The following CISD2 variants were observed in gnomAD, a reference collection of about 807,000 sequenced individuals.
CISD2 encodes the protein CDGSH iron sulfur domain 2.
In CISD2, 1 loss-of-function variant was observed where a neutral mutation model predicts 12.9. The observed-to-expected ratio is 0.08, with a 90% CI of 0.03 to 0.37. The LOEUF (loss-of-function observed/expected upper bound fraction) is 0.37. Among genes scored for constraint, CISD2 ranks in the 10% least tolerant of loss-of-function variants. The pLI is 0.99. For missense variants in CISD2, 97 were observed against 163.1 expected (o/e 0.59, Z 2.21); for synonymous variants, 50 against 60.6 (o/e 0.83, Z 0.81).
intron 1 of CISD2, among the ~76,000 whole-genome samples, chr4:102,872,408 T>A (rs223331): frequency 0.37 from 56,663 of 152,038 alleles, 10,693 homozygotes; most frequent in African/African-American, 0.44. Context: ...AACTCATGCA[T>A]TGAAAATATT....
rs1734253843 is a variant in CISD2 at position 102,891,630 on chromosome 4, T to C, written c.*4200T>C. The C allele has an allele frequency of 1.3e-5, 2 of 152,232 alleles. No homozygotes were observed. The highest frequency in any genetic ancestry group is 1.5e-5 in the Non-Finnish European group (1 of 68,042). The allele number at this position is 152,232 out of a possible 1,614,324, so 9.4% of individuals were successfully genotyped here. On this transcript the variant is annotated 3_prime_UTR_variant, in exon 3 of 3. Coordinates refer to ENST00000273986, the MANE Select transcript of CISD2 (RefSeq NM_001008388.5). ...TGTTGGAAAATTTATATGTAAAATA[T>C]ATTGACTTACTCGATGATTGGAGGC...
At chr4:102,877,919 C>G (rs1265443958) in intron 1 of CISD2, among the ~76,000 whole-genome samples, 1 of 152,190 alleles carries the variant, frequency 6.6e-6, no homozygotes, top group African/African-American at 2.4e-5. Flanking sequence ...CAATACTGCA[C>G]AAAGCAGCAA....
At chr4:102,874,697 T>G (rs1337852874) in intron 1 of CISD2, 1 of 152,216 alleles carries the variant, frequency 6.6e-6, no homozygotes, top group South Asian at 2.1e-4. Flanking sequence ...TCTGTTGTTT[T>G]AAGCTAAAAA....
intron 1 of CISD2, among the ~76,000 whole-genome samples, chr4:102,884,344 T>C (rs1415809297): frequency 6.6e-6 from 1 of 152,258 alleles, no homozygotes; most frequent in African/African-American, 2.4e-5. Flanking sequence ...AGCATATTAT[T>C]TTCTGTTTTT....
At chr4:102,869,497 C>G (rs1051760931) in intron 1 of CISD2, 5 of 702,470 alleles carry the variant, frequency 7.1e-6, no homozygotes, top group Admixed American at 2.0e-5. Flanking sequence ...ATCTCCTGTC[C>G]TGCTCATCGC....
At chr4:102,869,622 G>T in intron 1 of CISD2, 1 of 653,922 alleles carries the variant, frequency 1.5e-6, no homozygotes, top group African/African-American at 1.8e-5. Flanking sequence ...GTGGGTGGGA[G>T]TGTGTGGGAG....
In CISD2 at chr4:102,869,052, G is replaced by A. The variant is rs1057132229; in HGVS notation, c.-33G>A. 6.3e-7 allele frequency: 1 copy of A among 1,588,782 alleles called. No homozygotes were observed. Among genetic ancestry groups the A allele is most frequent in the East Asian group, 2.3e-5 (1 of 43,508 alleles). ...GCGGCAGCTTGGCCAGAGCGGAGGG[G>A]GCTCGGGAGAGGAGTGGACGCCGCT... On this transcript the variant is annotated 5_prime_UTR_variant, in exon 1 of 3. Transcript: ENST00000273986.
Position 102,877,101 on chromosome 4 carries a change from C to T in CISD2, c.103+7914C>T, listed in dbSNP as rs544418892. 3.3e-5 allele frequency among the ~76,000 whole-genome samples: 5 copies of T among 152,276 alleles called. No homozygotes were observed. The East Asian group carries it at 9.7e-4, about 29-fold the overall frequency. ...ATATTATTCCACCCCTGGCTCCTCC[C>T]AAATTTCACATTCATTTTGCATTTC... On this transcript the variant is annotated intron_variant, in intron 1 of 2. Coordinates refer to ENST00000273986, the MANE Select transcript of CISD2 (RefSeq NM_001008388.5).
chr4:102,883,302 C>T (rs979678653), intron 1 of CISD2, among the ~76,000 whole-genome samples: 6 of 152,134 alleles, frequency 3.9e-5, no homozygotes, highest in East Asian at 1.9e-4. Flanking sequence ...AGGTAGGAGA[C>T]GACTAGGGAC....
chr4:102,869,148 C>T lies in CISD2; in HGVS notation c.64C>T (p.Pro22Ser). 6.2e-7 allele frequency: 1 copy of T among 1,612,578 alleles called. No homozygotes were observed. The highest frequency in any genetic ancestry group is 8.5e-7 in the Non-Finnish European group (1 of 1,179,430). Reference sequence around the variant, plus strand: ...GCTCCCTGCATATCTGAAGCGGCTCCCAGTCCCTGAAAGCATTACCGGGTT... The same window carrying T: ...GCTCCCTGCATATCTGAAGCGGCTCTCAGTCCCTGAAAGCATTACCGGGTT... ...VQLPAYLKRL[P>S]VPESITGFAR... The change falls in exon 1 of 3, where the codon CCA becomes TCA. Residue 22 changes from proline (P) to serine (S), a missense_variant. Coordinates refer to ENST00000273986, the MANE Select transcript of CISD2 (RefSeq NM_001008388.5).
chr4:102,886,770 C>T (rs1733945714), intron 2 of CISD2, among the ~76,000 whole-genome samples: 1 of 151,164 alleles, frequency 6.6e-6, no homozygotes, highest in African/African-American at 2.4e-5. Flanking sequence ...GTATGCACCA[C>T]GCCCAGCTAA....
chr4:102,879,655 C>T (rs560647461), intron 1 of CISD2, among the ~76,000 whole-genome samples: 2 of 152,132 alleles, frequency 1.3e-5, no homozygotes, highest in Admixed American at 1.3e-4. Flanking sequence ...ACCTGTAATC[C>T]TAGTGACTCA....
chr4:102,885,100 T>C (rs1222063804), intron 1 of CISD2, 116 bp from the exon 2 acceptor site: 2 of 838,594 alleles, frequency 2.4e-6, no homozygotes, highest in Non-Finnish European at 4.1e-6. Flanking sequence ...TATGGATCCA[T>C]TAAAAAGGAA....
rs144092509 is a variant in CISD2, at chr4:102,871,977, C to T, written c.103+2790C>T. ...CTAGTTAAATACAGGCAGTTCTCAC[C>T]TATCAGAAACAACTTAACTATCTTT... On this transcript the variant is annotated intron_variant, in intron 1 of 2. Transcript: ENST00000273986. Among the ~76,000 whole-genome samples the T allele has an allele frequency of 7.2e-5, 11 of 152,290 alleles. No homozygotes were observed. The East Asian group carries it at 2.1e-3, about 29-fold the overall frequency.
chr4:102,876,850 CG>C (rs1387753105), intron 1 of CISD2, among the ~76,000 whole-genome samples: 1 of 152,088 alleles, frequency 6.6e-6, no homozygotes, highest in Non-Finnish European at 1.5e-5. Context: ...AGGAAACTTA[CG>C]GTCATGGTAG....
chr4:102,875,642 C>G (rs753919241), intron 1 of CISD2, among the ~76,000 whole-genome samples: 1 of 152,118 alleles, frequency 6.6e-6, no homozygotes, highest in Non-Finnish European at 1.5e-5. Flanking sequence ...AGTACAAACT[C>G]AATTAGGCTA....
intron 1 of CISD2, among the ~76,000 whole-genome samples, chr4:102,881,781 CA>C (rs1242987608): frequency 1.3e-5 from 2 of 152,036 alleles, no homozygotes; most frequent in Non-Finnish European, 2.9e-5. Context: ...AGTGTTTTAC[CA>C]AGGAATTAAG....
At chr4:102,875,124 G>T (rs1392665076) in intron 1 of CISD2, among the ~76,000 whole-genome samples, 3 of 152,218 alleles carry the variant, frequency 2.0e-5, no homozygotes, top group African/African-American at 4.8e-5. Flanking sequence ...ATACTATGGT[G>T]CTTAGTTTCC....
In CISD2 at chr4:102,869,003, G is replaced by A; in HGVS notation, c.-82G>A. The A allele has an allele frequency of 2.8e-6, 4 of 1,448,274 alleles. No homozygotes were observed. The highest frequency in any genetic ancestry group is 1.4e-5 in the South Asian group (1 of 72,620). 89.7% of individuals were successfully genotyped at this position (1,448,274 alleles called of 1,614,324 possible). On this transcript the variant is annotated 5_prime_UTR_variant, in exon 1 of 3. Transcript: ENST00000273986. Reference sequence around the variant, plus strand: ...AGGCCGAGGCCGCCAGTGCCCGCCGGCCGCTTCCGCTCCCGGCGCAGGCGC... The same window carrying A: ...AGGCCGAGGCCGCCAGTGCCCGCCGACCGCTTCCGCTCCCGGCGCAGGCGC...
Sources: allele counts gnomAD v4.1 joint callset (sites outside exome capture counted in the v4.1 genomes callset), GRCh38; gene constraint gnomAD v4.1.1; transcripts MANE v1.5; gene names NCBI Gene and HGNC (gene_info 2026-07-23, HGNC 2026-07-21).